The following EVI5 variants were observed in gnomAD, a reference collection of about 807,000 sequenced individuals.
EVI5 encodes ecotropic viral integration site 5 protein homolog.
Under a neutral mutation model 112.0 loss-of-function variants are expected in EVI5, and 73 were observed. The observed-to-expected ratio is 0.65, with a 90% CI of 0.54 to 0.79. EVI5 has a LOEUF of 0.79. Among genes scored for constraint, EVI5 ranks in the 30% least tolerant of loss-of-function variants. The pLI, the probability that EVI5 is intolerant of heterozygous loss-of-function variation, is 0.00. For missense variants in EVI5, 900 were observed against 968.8 expected (o/e 0.93, Z 0.94); for synonymous variants, 305 against 319.9 (o/e 0.95, Z 0.50).
intron 1 of EVI5, among the ~76,000 whole-genome samples, chr1:92,755,083 T>TC: frequency 1.3e-5 from 2 of 151,126 alleles, no homozygotes; most frequent in Non-Finnish European, 3.0e-5. Context: ...TTTTTTTTTT[T>TC]TTTTTTGCAT....
chr1:92,712,180 T>G (rs1033693023), intron 2 of EVI5, among the ~76,000 whole-genome samples: 4 of 151,984 alleles, frequency 2.6e-5, no homozygotes, highest in Non-Finnish European at 5.9e-5. Context: ...TCCTTTCACA[T>G]CAACAACACC....
At chr1:92,604,481 G>T (rs1649915213) in intron 18 of EVI5, among the ~76,000 whole-genome samples, 3 of 152,122 alleles carry the variant, frequency 2.0e-5, no homozygotes, top group Admixed American at 6.5e-5. Flanking sequence ...GGTCTTCAGG[G>T]ACAATAACAC....
chr1:92,517,738 G>C (rs1660149762), intron 19 of EVI5, among the ~76,000 whole-genome samples: 1 of 152,096 alleles, frequency 6.6e-6, no homozygotes, highest in African/African-American at 2.4e-5. Flanking sequence ...GAATAACTCT[G>C]ATGCACATCT....
chr1:92,729,220 C>CAT (rs1676077251), intron 2 of EVI5, among the ~76,000 whole-genome samples: 1 of 152,088 alleles, frequency 6.6e-6, no homozygotes, highest in African/African-American at 2.4e-5. Flanking sequence ...AAGTTATGGT[C>CAT]ACAATGTATG....
chr1:92,558,654 C>T (rs1248712392), intron 19 of EVI5, among the ~76,000 whole-genome samples: 3 of 152,128 alleles, frequency 2.0e-5, no homozygotes, highest in Non-Finnish European at 4.4e-5. Context: ...CTTCTACAAT[C>T]AGTTCACTGT....
At chr1:92,695,535 T>C (rs774002224) in intron 6 of EVI5, 82 bp from the exon 7 acceptor site, 1 of 850,750 alleles carries the variant, frequency 1.2e-6, no homozygotes, top group South Asian at 2.2e-5. Context: ...GATTAGCCTA[T>C]ACCAAACACA....
At chr1:92,542,644 T>G (rs1665013849) in intron 19 of EVI5, among the ~76,000 whole-genome samples, 1 of 152,244 alleles carries the variant, frequency 6.6e-6, no homozygotes, top group Non-Finnish European at 1.5e-5. Context: ...CATCAGCACT[T>G]GCTGCTTCAC....
chr1:92,656,779 T>C (rs1438117665), intron 13 of EVI5, among the ~76,000 whole-genome samples: 1 of 151,820 alleles, frequency 6.6e-6, no homozygotes, highest in African/African-American at 2.4e-5. Flanking sequence ...CTAGAAAACC[T>C]AGAAGAAAGG....
intron 18 of EVI5, among the ~76,000 whole-genome samples, chr1:92,597,764 A>C (rs1648240135): frequency 6.6e-6 from 1 of 152,252 alleles, no homozygotes; most frequent in Non-Finnish European, 1.5e-5. Flanking sequence ...GTAAGCACCC[A>C]ATATAGCAAC....
chr1:92,763,972 C>T (rs1480760326), intron 1 of EVI5, among the ~76,000 whole-genome samples: 1 of 151,850 alleles, frequency 6.6e-6, no homozygotes, highest in Non-Finnish European at 1.5e-5. Context: ...TGGAAGTTTA[C>T]GAAGGGTAAG....
chr1:92,694,187 C>T (rs1669939208), intron 8 of EVI5, 112 bp downstream of exon 8: 3 of 652,918 alleles, frequency 4.6e-6, no homozygotes, highest in Non-Finnish European at 5.4e-6. Flanking sequence ...ATCACTTGAA[C>T]CTGGGAGGCA....
At chr1:92,620,765 A>G (rs1654368465) in intron 16 of EVI5, among the ~76,000 whole-genome samples, 1 of 152,210 alleles carries the variant, frequency 6.6e-6, no homozygotes, top group Non-Finnish European at 1.5e-5. Flanking sequence ...AAAAGATAAG[A>G]TACCAGACAG....
At chr1:92,527,163 C>G (rs541748567) in intron 19 of EVI5, among the ~76,000 whole-genome samples, 5 of 151,860 alleles carry the variant, frequency 3.3e-5, no homozygotes, top group Non-Finnish European at 7.4e-5. Flanking sequence ...GCTTGTAATC[C>G]CAGCAGTTTG....
intron 10 of EVI5, among the ~76,000 whole-genome samples, chr1:92,670,194 T>C (rs1477008059): frequency 7.9e-5 from 12 of 152,226 alleles, no homozygotes. Context: ...AAAAAACTTG[T>C]TATATACAAA....
chr1:92,699,557 A>G lies in EVI5; in HGVS notation c.640-1572T>C, dbSNP rs533678446. 3.3e-5 allele frequency among the ~76,000 whole-genome samples: 5 copies of G among 152,302 alleles called. No homozygotes were observed. In the South Asian group the frequency reaches 6.2e-4, roughly 19 times the overall value. ...GGAAGGGGACAGAGATTACTGAGGTATATGTCCTCAGGCGATTTAATCATT... is the reference window on the plus strand; with the variant it reads ...GGAAGGGGACAGAGATTACTGAGGTGTATGTCCTCAGGCGATTTAATCATT... On this transcript the variant is annotated intron_variant, in intron 5 of 19. Coordinates refer to ENST00000684568, the MANE Select transcript of EVI5 (RefSeq NM_001350197.2).
chr1:92,564,549 A>G (rs1380934003), intron 18 of EVI5, among the ~76,000 whole-genome samples: 2 of 152,220 alleles, frequency 1.3e-5, no homozygotes, highest in African/African-American at 4.8e-5. Flanking sequence ...ACAGCTGATT[A>G]AAAGCTGCTT....
intron 10 of EVI5, among the ~76,000 whole-genome samples, chr1:92,676,425 G>A (rs1310863782): frequency 6.6e-6 from 1 of 150,618 alleles, no homozygotes; most frequent in African/African-American, 2.5e-5. Context: ...GGTAGGGGGT[G>A]GAGGGGAATA....
At chr1:92,727,600 A>C (rs1675768944) in intron 2 of EVI5, among the ~76,000 whole-genome samples, 1 of 152,194 alleles carries the variant, frequency 6.6e-6, no homozygotes, top group African/African-American at 2.4e-5. Flanking sequence ...AAATGTGAGC[A>C]AAAAATAAAA....
At chr1:92,586,612 GTGT>G (rs1672844220) in intron 18 of EVI5, among the ~76,000 whole-genome samples, 1 of 122,258 alleles carries the variant, frequency 8.2e-6, no homozygotes, top group African/African-American at 3.7e-5. Context: ...TTGGCTGTGT[GTGT>G]GTGTGTGTGT....
Sources: gnomAD v4.1 joint callset for allele counts (sites outside exome capture counted in the v4.1 genomes callset) on GRCh38, gnomAD v4.1.1 for gene constraint, MANE v1.5 for transcripts, NCBI Gene and HGNC (gene_info 2026-07-23, HGNC 2026-07-21) for gene names.